Variants in TRDN observed in about 807,000 individuals in gnomAD.
TRDN encodes the protein triadin.
A neutral mutation model predicts 149.7 loss-of-function variants in TRDN; 161 were observed. The ratio of observed to expected loss-of-function variants is 1.08; its 90% CI spans 0.95 to 1.23. The LOEUF (loss-of-function observed/expected upper bound fraction) is 1.23. Ranked by LOEUF, TRDN falls within the 50% of genes most tolerant of loss-of-function variation. TRDN has a pLI of 0.00. For synonymous variants in TRDN, 294 were observed against 250.5 expected, an observed-to-expected ratio of 1.17 and a Z score of -1.64; for missense variants, 896 against 823.5, an observed-to-expected ratio of 1.09 and a Z score of -1.08.
chr6:123,247,623 T>C (rs1227629388), intron 38 of TRDN, among the ~76,000 whole-genome samples: 1 of 152,190 alleles, frequency 6.6e-6, no homozygotes. Context: ...TGGATAAACA[T>C]TCCATGATTA....
At chr6:123,341,007 C>T (rs890205303) in intron 21 of TRDN, among the ~76,000 whole-genome samples, 14 of 151,582 alleles carry the variant, frequency 9.2e-5, no homozygotes, top group Admixed American at 6.6e-4. Context: ...TATTTTAATT[C>T]GAATGCAATT....
intron 38 of TRDN, among the ~76,000 whole-genome samples, chr6:123,247,262 G>T (rs765662363): frequency 9.2e-5 from 14 of 152,266 alleles, no homozygotes; most frequent in African/African-American, 1.7e-4. Context: ...GGGCAATCAG[G>T]CAAGAGAAAG....
At chr6:123,444,107 G>C (rs935272119) in intron 10 of TRDN, among the ~76,000 whole-genome samples, 3 of 146,164 alleles carry the variant, frequency 2.1e-5, no homozygotes, top group Non-Finnish European at 3.0e-5. Flanking sequence ...AAATTACCTT[G>C]GGCAGTATGG....
At chr6:123,427,025 GGTT>G in intron 12 of TRDN, among the ~76,000 whole-genome samples, 1 of 151,896 alleles carries the variant, frequency 6.6e-6, no homozygotes, top group East Asian at 1.9e-4. Context: ...TTGTCTTTGG[GGTT>G]TTTCTACTGA....
At chr6:123,278,641 G>A (rs370353950) in intron 25 of TRDN, among the ~76,000 whole-genome samples, 7 of 152,232 alleles carry the variant, frequency 4.6e-5, no homozygotes, top group East Asian at 1.9e-4. Flanking sequence ...GTGTTGGTGC[G>A]TGCCTGTAAT....
rs1294008000 is a variant in TRDN at position 123,402,606 on chromosome 6, G to A, written c.1052-8929C>T. 4.6e-5 allele frequency among the ~76,000 whole-genome samples: 7 copies of A among 152,210 alleles called. No individual in the cohort carries two copies. In the East Asian group the frequency reaches 9.7e-4, roughly 21 times the overall value. On this transcript the variant is annotated intron_variant, in intron 12 of 40. Transcript: ENST00000334268. ...AGACTTTTGTCTTAGTACATTGAGC[G>A]CTACTGCATTTTTGGGCAGGAAAGT...
intron 5 of TRDN, among the ~76,000 whole-genome samples, chr6:123,527,449 G>A (rs1306154456): frequency 6.6e-6 from 1 of 151,826 alleles, no homozygotes; most frequent in African/African-American, 2.4e-5. Context: ...ATCCATTGTT[G>A]GATATAGTTT....
intron 24 of TRDN, among the ~76,000 whole-genome samples, chr6:123,294,565 G>A (rs1778126101): frequency 6.6e-6 from 1 of 152,152 alleles, no homozygotes. Flanking sequence ...ATGCAACGTA[G>A]ATCCCTTGCA....
intron 10 of TRDN, chr6:123,442,316 G>A (rs1209389119): frequency 9.0e-6 from 1 of 111,300 alleles, no homozygotes; most frequent in Non-Finnish European, 1.8e-5. Flanking sequence ...GGCCGAGGCG[G>A]GCGGATCACG....
chr6:123,370,920 T>A (rs1278159613), intron 19 of TRDN, among the ~76,000 whole-genome samples: 1 of 151,724 alleles, frequency 6.6e-6, no homozygotes, highest in Non-Finnish European at 1.5e-5. Context: ...TGTCTTTTTT[T>A]TTTTTAATTT....
intron 27 of TRDN, 30 bp downstream of exon 27, chr6:123,274,611 T>C (rs1396791699): frequency 1.3e-6 from 2 of 1,587,856 alleles, no homozygotes; most frequent in Non-Finnish European, 8.6e-7. Context: ...ATGTCAACTC[T>C]GAATCTATAT....
At chr6:123,356,564 T>G (rs1780692868) in intron 20 of TRDN, among the ~76,000 whole-genome samples, 1 of 141,352 alleles carries the variant, frequency 7.1e-6, no homozygotes, top group Admixed American at 7.1e-5. Context: ...TTGCTCTACT[T>G]AAGTTTTGGT....
chr6:123,331,504 A>G (rs1015160904), intron 23 of TRDN, among the ~76,000 whole-genome samples: 1 of 152,066 alleles, frequency 6.6e-6, no homozygotes, highest in African/African-American at 2.4e-5. Context: ...CAGAATCAAA[A>G]GATTTCACTG....
At chr6:123,324,893 G>A (rs774278290) in intron 23 of TRDN, among the ~76,000 whole-genome samples, 1 of 152,124 alleles carries the variant, frequency 6.6e-6, no homozygotes. Context: ...GTGTTAGGCT[G>A]TAAATTGCTG....
chr6:123,478,766 G>A (rs1396073192), intron 9 of TRDN, among the ~76,000 whole-genome samples: 4 of 152,128 alleles, frequency 2.6e-5, no homozygotes, highest in Admixed American at 2.6e-4. Flanking sequence ...TGATAAAACT[G>A]CCTAGAACTT....
chr6:123,567,903 G>A (rs936190793), intron 2 of TRDN, among the ~76,000 whole-genome samples: 26 of 151,952 alleles, frequency 1.7e-4, no homozygotes, highest in African/African-American at 4.4e-4. Context: ...AATCATCCCC[G>A]ACCAATAGTC....
intron 38 of TRDN, among the ~76,000 whole-genome samples, chr6:123,237,086 C>T (rs555876046): frequency 1.3e-5 from 2 of 152,022 alleles, no homozygotes; most frequent in East Asian, 1.9e-4. Flanking sequence ...TTATCATCAC[C>T]TTGTGGTTTT....
At chr6:123,542,892 C>T (rs1583216009) in intron 4 of TRDN, among the ~76,000 whole-genome samples, 1 of 148,202 alleles carries the variant, frequency 6.7e-6, no homozygotes, top group Admixed American at 6.8e-5. Context: ...GTGTGTCTGT[C>T]TGTCTGTCAC....
intron 12 of TRDN, among the ~76,000 whole-genome samples, chr6:123,407,443 T>G (rs192122120): frequency 6.6e-6 from 1 of 152,280 alleles, no homozygotes; most frequent in East Asian, 1.9e-4. Flanking sequence ...CGTAGTGCAA[T>G]TGTTTTCTCC....
Sources: allele counts gnomAD v4.1 joint callset (sites outside exome capture counted in the v4.1 genomes callset), GRCh38; gene constraint gnomAD v4.1.1; transcripts MANE v1.5; gene names NCBI Gene and HGNC (gene_info 2026-07-23, HGNC 2026-07-21).